Variants in ANPEP observed in about 807,000 individuals in gnomAD.
ANPEP encodes aminopeptidase N.
Under a neutral mutation model 114.6 loss-of-function variants are expected in ANPEP, and 70 were observed. The observed-to-expected ratio is 0.61, with a 90% CI of 0.50 to 0.75. The LOEUF (loss-of-function observed/expected upper bound fraction) is 0.75. ANPEP is among the 30% of genes least tolerant of loss of function. ANPEP has a pLI of 0.00. For missense variants in ANPEP, 1,184 were observed against 1,259.5 expected (o/e 0.94, Z 0.91); for synonymous variants, 548 against 522.3 (o/e 1.05, Z -0.67).
intron 20 of ANPEP, among the ~76,000 whole-genome samples, chr15:89,788,704 G>A (rs1026674784): frequency 1.8e-4 from 28 of 152,064 alleles, no homozygotes; most frequent in Admixed American, 5.2e-4. Flanking sequence ...TGGTTCAAGC[G>A]ATCCTCTCAC....
intron 20 of ANPEP, among the ~76,000 whole-genome samples, chr15:89,787,419 A>G (rs1240570572): frequency 6.6e-6 from 1 of 152,218 alleles, no homozygotes; most frequent in African/African-American, 2.4e-5. Context: ...AAAAATAGGT[A>G]TAAATCTTCA....
intron 14 of ANPEP, 141 bp from the exon 15 acceptor site, chr15:89,797,863 C>G (rs1196438670): frequency 1.7e-6 from 2 of 1,164,712 alleles, no homozygotes; most frequent in Non-Finnish European, 1.2e-6. Context: ...TCCCAGATTC[C>G]CAACTGAGCC....
At chr15:89,808,561 T>C (rs979073151) in intron 1 of ANPEP, among the ~76,000 whole-genome samples, 1 of 152,170 alleles carries the variant, frequency 6.6e-6, no homozygotes, top group Non-Finnish European at 1.5e-5. Context: ...CAGGAGAAAC[T>C]CCTTACCAAA....
intron 20 of ANPEP, among the ~76,000 whole-genome samples, chr15:89,787,283 G>T (rs1431373713): frequency 6.6e-6 from 1 of 152,050 alleles, no homozygotes; most frequent in Non-Finnish European, 1.5e-5. Flanking sequence ...CTGACCTCAT[G>T]ATCCACCTGC....
Position 89,785,031 on chromosome 15 carries a change from T to G in ANPEP, c.*318A>C. ...GGCGGCCCCCAGCAAGGCCGTTCATTGTCCATCGAGAGCTTCTGCTCATCT... is the reference window on the plus strand; with the variant it reads ...GGCGGCCCCCAGCAAGGCCGTTCATGGTCCATCGAGAGCTTCTGCTCATCT... On this transcript the variant is annotated 3_prime_UTR_variant, in exon 21 of 21. Transcript: ENST00000300060. The G allele has an allele frequency of 3.1e-6, 1 of 318,010 alleles. No homozygotes were observed. The highest frequency in any genetic ancestry group is 2.1e-5 in the African/African-American group (1 of 47,984). The allele number at this position is 318,010 out of a possible 1,614,324, so 19.7% of individuals were successfully genotyped here.
At chr15:89,813,255 C>G (rs1359404198) in intron 1 of ANPEP, among the ~76,000 whole-genome samples, 1 of 152,222 alleles carries the variant, frequency 6.6e-6, no homozygotes, top group Non-Finnish European at 1.5e-5. Context: ...GTTCCAACAC[C>G]TTGGCTCCTT....
chr15:89,792,306 G>A lies in ANPEP; in HGVS notation c.2382C>T (p.Ser794=), dbSNP rs976577598. 4 of 1,614,230 alleles carry A rather than the reference G, an allele frequency of 2.5e-6. No individual in the cohort carries two copies. Among genetic ancestry groups the A allele is most frequent in the Middle Eastern group, 1.6e-4 (1 of 6,062 alleles). ...GGGCGATAGCGTTGCAGTAGACGGT[G>A]GACCGCAGGTTGGGGTGGATCCTGG... The part of the protein sequence containing the change: ...NNNPIHPNLR[S]TVYCNAIAQG... The change falls in exon 18 of 21, where the codon TCC becomes TCT. Residue 794 remains serine, a synonymous_variant. Coordinates refer to ENST00000300060, the MANE Select transcript of ANPEP (RefSeq NM_001150.3).
Position 89,801,532 on chromosome 15 carries a change from A to G in ANPEP, c.1645T>C (p.Phe549Leu). The G allele has an allele frequency of 6.2e-7, 1 of 1,614,190 alleles. No homozygotes were observed. The highest frequency in any genetic ancestry group is 8.5e-7 in the Non-Finnish European group (1 of 1,180,016). The change falls in exon 11 of 21, where the codon TTC (phenylalanine) becomes CTC (leucine). Residue 549 changes from phenylalanine (F) to leucine (L), a missense_variant. Physicochemically the swap from Phe to Leu is conservative, Grantham distance 22. Transcript: ENST00000300060. Reference sequence around the variant, plus strand: ...CTGGTATCCACCGTGATGACCGGGAAGCCCATCTGCAGGGTCCAGCGGTTC... The same window carrying G: ...CTGGTATCCACCGTGATGACCGGGAGGCCCATCTGCAGGGTCCAGCGGTTC... ...IMNRWTLQMG[F>L]PVITVDTSTG... is the part of the protein sequence containing the mutation.
rs374056834 is a variant in ANPEP at position 89,805,123 on chromosome 15, G to A, written c.852C>T (p.Val284=). 9 of 1,614,122 alleles carry A rather than the reference G, an allele frequency of 5.6e-6. No homozygotes were observed. The African/African-American group carries it at 1.2e-4, about 22-fold the overall frequency. ...GCTTCTCCACGTAGTCGAACTCACT[G>A]ACAATGAAGGCCAGCAAGTACGTGG... The part of the protein sequence containing the change: ...KMSTYLLAFI[V]SEFDYVEKQA... The change falls in exon 4 of 21, where the codon GTC becomes GTT. Residue 284 remains valine (V), a synonymous_variant. Transcript: ENST00000300060.
intron 20 of ANPEP, 34 bp from the exon 21 acceptor site, chr15:89,785,535 G>A: frequency 6.5e-7 from 1 of 1,549,046 alleles, no homozygotes; most frequent in Middle Eastern, 1.7e-4. Context: ...CAGTCCGGCT[G>A]GGTCCCTAAC....
In ANPEP at chr15:89,803,144, C is replaced by G; in HGVS notation, c.1569+95G>C. ...CCTGCAGGGCTGGTCAGCCGCGGAG[C>G]TGGACCCATTCTCTTACGCATGTGC... On this transcript the variant is annotated intron_variant, in intron 10 of 20. Coordinates refer to ENST00000300060, the MANE Select transcript of ANPEP (RefSeq NM_001150.3). This position sits in a 1 kb window ranked among gnomAD's most constrained non-coding sequence, Gnocchi z 4.2. 7.2e-7 allele frequency: 1 copy of G among 1,392,734 alleles called. No homozygotes were observed. The highest frequency in any genetic ancestry group is 1.4e-5 in the African/African-American group (1 of 70,470). 86.3% of individuals were successfully genotyped at this position (1,392,734 alleles called of 1,614,324 possible).
intron 15 of ANPEP, among the ~76,000 whole-genome samples, chr15:89,796,712 GTCTCGATCTGCTGACCTCGTGATCCGCC>G (rs969193241): frequency 6.6e-5 from 10 of 151,754 alleles, no homozygotes; most frequent in African/African-American, 2.4e-4. Flanking sequence ...AGCCAGGATG[GTCTCGATCTGCTGACCTCGTGATCCGCC>G]TGCCTCGGCC....
rs1442847777 is a variant in ANPEP at position 89,797,643 on chromosome 15, C to A, written c.2089G>T (p.Ala697Ser). The change falls in exon 15 of 21, where the codon GCC (alanine) becomes TCC (serine). Residue 697 changes from alanine to serine, a missense_variant. Ala to Ser is a moderately conservative substitution (Grantham distance 99). Coordinates refer to ENST00000300060, the MANE Select transcript of ANPEP (RefSeq NM_001150.3). The stretch of plus-strand genomic sequence containing the variant: ...AAGTAGCTCAGGCTGCTCAGGGCGG[C>A]CTCCCAGGGCATGTACTGTCTCTCT... ...IEERQYMPWE[A>S]ALSSLSYFKL... 6.2e-7 allele frequency: 1 copy of A among 1,614,032 alleles called. No homozygotes were observed. Among genetic ancestry groups the A allele is most frequent in the East Asian group, 2.2e-5 (1 of 44,892 alleles).
intron 15 of ANPEP, 101 bp from the exon 16 acceptor site, chr15:89,793,227 T>A: frequency 9.7e-7 from 1 of 1,035,180 alleles, no homozygotes. Context: ...GGCAGAGACG[T>A]CAGAGGTCAG....
At position 89,792,182 on chromosome 15, in the gene ANPEP, T is replaced by C; in HGVS notation, c.2506A>G (p.Lys836Glu). 6.2e-7 allele frequency: 1 copy of C among 1,614,170 alleles called. No individual in the cohort carries two copies. Among genetic ancestry groups the C allele is most frequent in the South Asian group, 1.1e-5 (1 of 91,082 alleles). Residue 836 changes from lysine to glutamate, a missense_variant, in exon 18 of 21, where the codon AAA becomes GAA. Transcript: ENST00000300060. ...DKLRAALACS[K>E]ELWILNRYLS... The stretch of plus-strand genomic sequence containing the variant: ...CACCTGTTCAGGATCCACAACTCTT[T>C]GCTGCAGGCCAGGGCTGCCCGGAGC...
rs866531241 is a variant in ANPEP at position 89,813,997 on chromosome 15, G to A, written c.-224+775C>T. Among the ~76,000 whole-genome samples, 26 of 125,116 alleles carry A rather than the reference G, an allele frequency of 2.1e-4. 2 individuals are homozygous for A. Among genetic ancestry groups the A allele is most frequent in the East Asian group, 1.2e-3 (1 of 868 alleles). The allele number at this position is 125,116 out of a possible 152,430, so 82.1% of individuals were successfully genotyped here. On this transcript the variant is annotated intron_variant, in intron 1 of 20. Coordinates refer to ENST00000300060, the MANE Select transcript of ANPEP (RefSeq NM_001150.3). ...TCCCTGCCCACCGCACTGCTGGGGG[G>A]GGGGGGTGCGTTCTGGAGTCATTTG...
chr15:89,792,227 G>C lies in ANPEP; in HGVS notation c.2461C>G (p.Leu821Val), dbSNP rs763317631. ...CGGAGCTTGTCAGCCTCATTGACCA[G>C]TGTGGCATTTCGGAACTGCTCCCAG... is the stretch of plus-strand genomic sequence containing the variant. ...FAWEQFRNATLVNEADKLRAA... is the reference protein window; with the variant it reads ...FAWEQFRNATVVNEADKLRAA... The change falls in exon 18 of 21, where the codon CTG (leucine) becomes GTG (valine). Residue 821 changes from leucine to valine, a missense_variant. By Grantham distance (32) the Leu-to-Val change is conservative. Coordinates refer to ENST00000300060, the MANE Select transcript of ANPEP (RefSeq NM_001150.3). 2.2e-5 allele frequency: 35 copies of C among 1,614,112 alleles called. No individual in the cohort carries two copies. The highest frequency in any genetic ancestry group is 2.8e-5 in the Non-Finnish European group (33 of 1,180,054).
intron 15 of ANPEP, among the ~76,000 whole-genome samples, chr15:89,797,258 G>A (rs1313691028): frequency 6.6e-6 from 1 of 152,200 alleles, no homozygotes; most frequent in African/African-American, 2.4e-5. Context: ...TTCTGAAAGC[G>A]TTAATTCCCC....
In ANPEP at chr15:89,785,408, T is replaced by C; in HGVS notation, c.2845A>G (p.Lys949Glu). Reference protein sequence around the residue: ...QALEKTKANIKWVKENKEVVL... With the variant: ...QALEKTKANIEWVKENKEVVL... Reference sequence around the variant, plus strand: ...ACCTCCTTGTTCTCCTTCACCCACTTGATGTTGGCTTTCGTCTTCTCCAGG... The same window carrying C: ...ACCTCCTTGTTCTCCTTCACCCACTCGATGTTGGCTTTCGTCTTCTCCAGG... The change falls in exon 21 of 21, where the codon AAG (lysine) becomes GAG (glutamate). Residue 949 changes from lysine (K) to glutamate (E), a missense_variant. By Grantham distance (56) the Lys-to-Glu change is moderately conservative (BLOSUM62 1). Coordinates refer to ENST00000300060, the MANE Select transcript of ANPEP (RefSeq NM_001150.3). 1 of 1,614,234 alleles carries C rather than the reference T, an allele frequency of 6.2e-7. No homozygotes were observed. The highest frequency in any genetic ancestry group is 8.5e-7 in the Non-Finnish European group (1 of 1,180,024).
Sources: allele counts gnomAD v4.1 joint callset (sites outside exome capture counted in the v4.1 genomes callset), GRCh38; gene constraint gnomAD v4.1.1; non-coding constraint Gnocchi (gnomAD v3.1); transcripts MANE v1.5; gene names NCBI Gene and HGNC (gene_info 2026-07-23, HGNC 2026-07-21).